SMG6: variants seen among roughly 807,000 people sequenced by gnomAD.
SMG6 encodes telomerase-binding protein EST1A.
SMG6 carries 66 observed loss-of-function variants against 142.2 expected under a neutral mutation model. The ratio of observed to expected loss-of-function variants is 0.46; its 90% CI spans 0.38 to 0.57. The LOEUF (loss-of-function observed/expected upper bound fraction) is 0.57. SMG6 is among the 20% of genes least tolerant of loss of function. SMG6 has a pLI of 0.00. For synonymous variants in SMG6, 779 were observed against 702.4 expected, an observed-to-expected ratio of 1.11 and a Z score of -1.72; for missense variants, 1,793 against 1,832.0, an observed-to-expected ratio of 0.98 and a Z score of 0.39.
rs149405070 is a variant in SMG6 at position 2,282,326 on chromosome 17, G to C, written c.2661+321C>G. Reference sequence around the variant, plus strand: ...AATATAAGGTCAACCAAGAGGAAAAGATAAGTACAAAATCCCACATAGAAT... The same window carrying C: ...AATATAAGGTCAACCAAGAGGAAAACATAAGTACAAAATCCCACATAGAAT... On this transcript the variant is annotated intron_variant, in intron 8 of 18. Coordinates refer to ENST00000263073, the MANE Select transcript of SMG6 (RefSeq NM_017575.5). Among the ~76,000 whole-genome samples, 27 of 119,414 alleles carry C rather than the reference G, an allele frequency of 2.3e-4. No individual in the cohort carries two copies. The East Asian group carries it at 7.3e-3, about 32-fold the overall frequency. The allele number at this position is 119,414 out of a possible 152,430, so 78.3% of individuals were successfully genotyped here. A position where few individuals can be genotyped will look rare whatever the true frequency, so the allele number is the denominator to read the frequency against.
At chr17:2,219,813 AAAAAAAAAG>A (rs1251068707) in intron 10 of SMG6, among the ~76,000 whole-genome samples, 3 of 151,782 alleles carry the variant, frequency 2.0e-5, no homozygotes, top group Non-Finnish European at 4.4e-5. Context: ...CAAAAAAAAA[AAAAAAAAAG>A]AAAAGAAAAA....
chr17:2,153,114 C>T (rs753665182), intron 13 of SMG6, among the ~76,000 whole-genome samples: 10 of 152,210 alleles, frequency 6.6e-5, no homozygotes, highest in Admixed American at 2.6e-4. Flanking sequence ...CCGTGGCCCA[C>T]GCAGCCCAAC....
intron 6 of SMG6, among the ~76,000 whole-genome samples, chr17:2,288,177 G>A (rs1423823325): frequency 1.3e-5 from 2 of 152,226 alleles, no homozygotes; most frequent in East Asian, 3.9e-4. Flanking sequence ...AGCCAGGCGT[G>A]GTGGTATAAG....
chr17:2,210,810 C>G (rs964691080), intron 10 of SMG6, among the ~76,000 whole-genome samples: 1 of 139,418 alleles, frequency 7.2e-6, no homozygotes, highest in Non-Finnish European at 1.6e-5. Context: ...AGAAGAAAGA[C>G]ACATAATGAG....
Position 2,299,429 on chromosome 17 carries a change from C to T in SMG6, c.1324G>A (p.Gly442Arg), listed in dbSNP as rs771426433. The T allele has an allele frequency of 4.3e-6, 7 of 1,614,034 alleles. No individual in the cohort carries two copies. In the Admixed American group the frequency reaches 6.7e-5, roughly 15 times the overall value. The part of the protein sequence containing the change: ...PRLLFGSGSK[G>R]SRSWGRGGTT... ...CCTCCACGGCCCCAACTCCGAGATC[C>T]CTTACTACCAGATCCAAACAAAAGC... is the stretch of plus-strand genomic sequence containing the variant. The change falls in exon 2 of 19, where the codon GGA (glycine) becomes AGA (arginine). Residue 442 changes from glycine to arginine, a missense_variant. This residue lies in a region of SMG6 where 1,597 missense variants were observed against 1,584.6 expected (regional missense o/e 1.01). Transcript: ENST00000263073. This position sits in a 1 kb window ranked among gnomAD's most constrained non-coding sequence, Gnocchi z 4.3.
intron 10 of SMG6, among the ~76,000 whole-genome samples, chr17:2,218,958 G>A (rs2073096539): frequency 6.6e-6 from 1 of 152,182 alleles, no homozygotes; most frequent in Non-Finnish European, 1.5e-5. Context: ...TGTATATTCT[G>A]TTCAATCTTG....
chr17:2,283,358 G>A (rs2074832620), intron 7 of SMG6, among the ~76,000 whole-genome samples: 1 of 152,124 alleles, frequency 6.6e-6, no homozygotes, highest in South Asian at 2.1e-4. Context: ...GCACGTACAT[G>A]TACATCCAAG....
intron 8 of SMG6, among the ~76,000 whole-genome samples, chr17:2,245,127 T>C (rs1869144976): frequency 6.6e-6 from 1 of 152,202 alleles, no homozygotes; most frequent in Admixed American, 6.5e-5. Flanking sequence ...TTGGGTTATT[T>C]TTCTACCTAC....
At chr17:2,190,069 T>G (rs78327766) in intron 10 of SMG6, among the ~76,000 whole-genome samples, 60 of 152,116 alleles carry the variant, frequency 3.9e-4, no homozygotes, top group Non-Finnish European at 8.1e-4. Flanking sequence ...GAGGGGAGGA[T>G]GGAAAGCAGG....
intron 12 of SMG6, among the ~76,000 whole-genome samples, chr17:2,183,744 CG>C (rs2071877279): frequency 1.8e-5 from 2 of 109,292 alleles, no homozygotes; most frequent in African/African-American, 3.9e-5. Flanking sequence ...CAGGTGCGTG[CG>C]ACACACACAC....
At chr17:2,236,434 A>T in intron 10 of SMG6, 58 bp downstream of exon 10, 2 of 1,548,666 alleles carry the variant, frequency 1.3e-6, no homozygotes, top group Non-Finnish European at 1.8e-6. Flanking sequence ...CACAAGAAAG[A>T]AGCTACATTA....
At chr17:2,260,424 G>T (rs992675189) in intron 8 of SMG6, among the ~76,000 whole-genome samples, 3 of 152,242 alleles carry the variant, frequency 2.0e-5, no homozygotes, top group Admixed American at 6.5e-5. Flanking sequence ...CCTGCTTCCA[G>T]CTAGTTTTTT....
intron 13 of SMG6, among the ~76,000 whole-genome samples, chr17:2,118,809 G>A (rs577180381): frequency 2.2e-4 from 34 of 151,670 alleles, no homozygotes; most frequent in South Asian, 1.0e-3. Context: ...AGCTGGTCTC[G>A]AATTCCTGGA....
intron 13 of SMG6, among the ~76,000 whole-genome samples, chr17:2,131,398 C>T (rs1388279305): frequency 2.0e-5 from 3 of 151,886 alleles, no homozygotes; most frequent in Admixed American, 6.6e-5. Context: ...CGGGTTCAAG[C>T]GATTCTCCTG....
intron 8 of SMG6, among the ~76,000 whole-genome samples, chr17:2,264,380 C>T (rs1268664007): frequency 6.6e-6 from 1 of 152,150 alleles, no homozygotes; most frequent in East Asian, 1.9e-4. Flanking sequence ...TCATGAGATG[C>T]CAAAACTACA....
chr17:2,091,694 A>ATG (rs2068721111), intron 13 of SMG6, among the ~76,000 whole-genome samples: 3 of 143,138 alleles, frequency 2.1e-5, no homozygotes, highest in Non-Finnish European at 4.5e-5. Flanking sequence ...TTTTTGAGAG[A>ATG]GAGTCTCGCT....
Position 2,300,134 on chromosome 17 carries a change from C to G in SMG6, c.619G>C (p.Gly207Arg). 6.2e-7 allele frequency: 1 copy of G among 1,614,152 alleles called. No homozygotes were observed. Among genetic ancestry groups the G allele is most frequent in the South Asian group, 1.1e-5 (1 of 91,090 alleles). The change falls in exon 2 of 19, where the codon GGG (glycine) becomes CGG (arginine). Residue 207 changes from glycine (G) to arginine (R), a missense_variant. Physicochemically the swap from Gly to Arg is moderately radical, Grantham distance 125. Around this residue, in one of 3 missense-constraint regions of SMG6, gnomAD observed 1,597 missense variants for 1,584.6 expected, o/e 1.01. Transcript: ENST00000263073. ...RAEIEKSPGG[G>R]RVGAAKGEKG... ...TCTCCTTTTGCAGCCCCTACTCTCCCACCACCTGGGCTCTTTTCTATCTCA... is the reference window on the plus strand; with the variant it reads ...TCTCCTTTTGCAGCCCCTACTCTCCGACCACCTGGGCTCTTTTCTATCTCA...
intron 15 of SMG6, among the ~76,000 whole-genome samples, chr17:2,076,542 G>C (rs1007916456): frequency 6.6e-6 from 1 of 152,214 alleles, no homozygotes; most frequent in African/African-American, 2.4e-5. Context: ...ACACATGTGT[G>C]TGCTCTCCCA....
At chr17:2,111,110 T>A (rs918003129) in intron 13 of SMG6, among the ~76,000 whole-genome samples, 2 of 152,176 alleles carry the variant, frequency 1.3e-5, no homozygotes, top group African/African-American at 4.8e-5. Context: ...TCAATAAATA[T>A]TTATTAAGCA....
Sources: gnomAD v4.1 joint callset for allele counts (sites outside exome capture counted in the v4.1 genomes callset) on GRCh38, gnomAD v4.1.1 for gene constraint, gnomAD v4.1.1 regional missense constraint, Gnocchi (gnomAD v3.1) non-coding constraint, MANE v1.5 for transcripts, NCBI Gene and HGNC (gene_info 2026-07-23, HGNC 2026-07-21) for gene names.